The following KHDC1 variants were observed in gnomAD, a reference collection of about 807,000 sequenced individuals.
The protein encoded by KHDC1 is KH domain containing 1.
Under a neutral mutation model 24.7 loss-of-function variants are expected in KHDC1, and 21 were observed. That is an observed-to-expected ratio of 0.85 (90% CI 0.60 to 1.23). KHDC1 has a LOEUF of 1.23. Among genes scored for constraint, KHDC1 ranks in the 50% most tolerant of loss-of-function variants. The pLI is 0.00. For missense variants in KHDC1, 274 were observed against 298.5 expected, an observed-to-expected ratio of 0.92 and a Z score of 0.61; for synonymous variants, 98 against 111.7, an observed-to-expected ratio of 0.88 and a Z score of 0.77.
chr6:73,285,649 CTT>C lies in KHDC1; in HGVS notation c.206+6347_206+6348del, dbSNP rs539979246. ...GTGCCCGGCCCATTTTCTTTTTTTT[CTT>C]TTTTTTTTTTTTTTATTATACTCTA... On this transcript the variant is annotated intron_variant, in intron 2 of 4. Coordinates refer to ENST00000370384, the Ensembl canonical transcript of KHDC1. Among the ~76,000 whole-genome samples, 168 of 130,038 alleles carry C rather than the reference CTT, an allele frequency of 1.3e-3. 1 individual carries two copies. In the Middle Eastern group the frequency reaches 0.019, roughly 15 times the overall value. The allele number at this position is 130,038 out of a possible 152,430, so 85.3% of individuals were successfully genotyped here. A position where few individuals can be genotyped will look rare whatever the true frequency, so the allele number is the denominator to read the frequency against.
intron 2 of KHDC1, among the ~76,000 whole-genome samples, chr6:73,267,840 C>CTT (rs34782009): frequency 4.3e-4 from 64 of 148,222 alleles, no homozygotes; most frequent in African/African-American, 1.3e-3. Flanking sequence ...ATTATTCAGC[C>CTT]TTTTTTTTTT....
chr6:73,278,724 C>T (rs1767348658), intron 2 of KHDC1, among the ~76,000 whole-genome samples: 1 of 151,948 alleles, frequency 6.6e-6, no homozygotes, highest in Non-Finnish European at 1.5e-5. Flanking sequence ...TCTTACTGTG[C>T]CTAACATAAA....
chr6:73,298,418 T>A (rs544897758), intron 1 of KHDC1, among the ~76,000 whole-genome samples: 12 of 140,984 alleles, frequency 8.5e-5, no homozygotes, highest in African/African-American at 2.1e-4. Context: ...CTCTATACTT[T>A]GCAAATTTTT....
intron 2 of KHDC1, chr6:73,268,241 G>C (rs62411451): frequency 6.6e-5 from 10 of 152,490 alleles, no homozygotes; most frequent in African/African-American, 2.4e-4. Flanking sequence ...AGACCTTCAC[G>C]GTGAGTGTGT....
intron 1 of KHDC1, chr6:73,292,220 G>GA: frequency 2.8e-6 from 4 of 1,424,432 alleles, no homozygotes. Flanking sequence ...GCTTCAGGCA[G>GA]AAACAGAACT....
intron 2 of KHDC1, among the ~76,000 whole-genome samples, chr6:73,243,273 CAGG>C (rs1766609013): frequency 6.6e-6 from 1 of 152,176 alleles, no homozygotes; most frequent in Non-Finnish European, 1.5e-5. Context: ...AAATATTTAG[CAGG>C]AGATGTTTAT....
At chr6:73,296,173 G>A (rs1767755910) in intron 1 of KHDC1, among the ~76,000 whole-genome samples, 2 of 148,204 alleles carry the variant, frequency 1.3e-5, no homozygotes, top group Non-Finnish European at 3.0e-5. Context: ...ACACACACAC[G>A]GCCAGGTGCG....
exon 1 of KHDC1, chr6:73,309,845 A>C: frequency 1.8e-6 from 2 of 1,093,258 alleles, no homozygotes; most frequent in Non-Finnish European, 2.6e-6. Flanking sequence ...GACGCGAAGG[A>C]AAGGGCCACT....
chr6:73,243,117 C>G (rs1766604938), intron 2 of KHDC1, among the ~76,000 whole-genome samples: 1 of 152,038 alleles, frequency 6.6e-6, no homozygotes, highest in Non-Finnish European at 1.5e-5. Flanking sequence ...TGGTGATTAT[C>G]CTGGTAAATT....
chr6:73,290,882 A>G (rs1448665361), intron 2 of KHDC1: 1 of 358,862 alleles, frequency 2.8e-6, no homozygotes, highest in East Asian at 6.5e-5. Context: ...CTATGTGGAT[A>G]TTGTCATCCC....
At chr6:73,294,245 G>A (rs1167550281) in intron 1 of KHDC1, among the ~76,000 whole-genome samples, 1 of 151,944 alleles carries the variant, frequency 6.6e-6, no homozygotes, top group Non-Finnish European at 1.5e-5. Context: ...CTTGTTTCCT[G>A]CTGTGTCCCC....
intron 2 of KHDC1, 185 bp from the exon 1 acceptor site, chr6:73,263,381 G>T (rs975284389): frequency 4.2e-6 from 3 of 707,754 alleles, no homozygotes; most frequent in African/African-American, 3.9e-5. Context: ...ACCCAGACCC[G>T]GACGACCCCC....
At chr6:73,294,022 A>C (rs934971972) in intron 1 of KHDC1, among the ~76,000 whole-genome samples, 9 of 151,306 alleles carry the variant, frequency 5.9e-5, no homozygotes, top group Non-Finnish European at 1.0e-4. Flanking sequence ...AAAAAAACAA[A>C]AAAAAACCAC....
At chr6:73,261,911 CAAA>C (rs1305177330) in intron 2 of KHDC1, among the ~76,000 whole-genome samples, 2 of 87,632 alleles carry the variant, frequency 2.3e-5, no homozygotes, top group Admixed American at 1.3e-4. Context: ...GACTCCATCT[CAAA>C]AAAAAAAAAA....
intron 1 of KHDC1, chr6:73,309,528 A>C (rs758869214): frequency 2.0e-6 from 3 of 1,495,194 alleles, no homozygotes; most frequent in Non-Finnish European, 2.7e-6. Context: ...AGCTTTTCCT[A>C]CCAGGGCCCC....
intron 1 of KHDC1, among the ~76,000 whole-genome samples, chr6:73,293,682 G>A (rs1767703444): frequency 2.0e-5 from 3 of 152,062 alleles, no homozygotes; most frequent in African/African-American, 4.8e-5. Context: ...TGAGGCATGA[G>A]AATCACTTGA....
chr6:73,281,573 C>T (rs972217234), intron 2 of KHDC1, among the ~76,000 whole-genome samples: 3 of 146,972 alleles, frequency 2.0e-5, no homozygotes, highest in Non-Finnish European at 4.5e-5. Flanking sequence ...GCCAAGATCG[C>T]GCCATTGCAC....
At chr6:73,263,690 G>A (rs745447743) in intron 2 of KHDC1, among the ~76,000 whole-genome samples, 16 of 151,952 alleles carry the variant, frequency 1.1e-4, no homozygotes, top group Non-Finnish European at 1.9e-4. Flanking sequence ...CTCCTGTCAC[G>A]CATCACACCG....
chr6:73,289,701 C>G lies in KHDC1; in HGVS notation c.206+2297G>C, dbSNP rs538572330. Among the ~76,000 whole-genome samples, 12 of 152,202 alleles carry G rather than the reference C, an allele frequency of 7.9e-5. No homozygotes were observed. In the East Asian group the frequency reaches 2.3e-3, roughly 29 times the overall value. On this transcript the variant is annotated intron_variant, in intron 2 of 4. Transcript: ENST00000370384. ...AAACGGCCAGGCACTGTGACTCACA[C>G]CTGTAATTCCAGCACTTTGGGAGGC...
Sources: gnomAD v4.1 joint callset for allele counts (sites outside exome capture counted in the v4.1 genomes callset) on GRCh38, gnomAD v4.1.1 for gene constraint, MANE v1.5 for transcripts, NCBI Gene and HGNC (gene_info 2026-07-23, HGNC 2026-07-21) for gene names.